Variants in PLCG2 observed in about 807,000 individuals in gnomAD.
PLCG2 encodes the protein phospholipase C gamma 2.
PLCG2 carries 69 observed loss-of-function variants against 175.6 expected under a neutral mutation model. The ratio of observed to expected loss-of-function variants is 0.39; its 90% CI spans 0.32 to 0.48. PLCG2 has a LOEUF of 0.48. Ranked by LOEUF, PLCG2 falls within the 20% of genes least tolerant of loss-of-function variation. PLCG2 has a pLI of 0.91. For synonymous variants in PLCG2, 827 were observed against 624.0 expected (o/e 1.33, Z -4.85); for missense variants, 1,798 against 1,650.9 (o/e 1.09, Z -1.54).
At position 81,795,240 on chromosome 16, in the gene PLCG2, G is replaced by A. The variant is rs1274842354; in HGVS notation, c.193+9058G>A. ...ATCGTGATAGACGCTAGGAAGGAAA[G>A]GAACAGGGTACTGTAATAAGGAGTC... On this transcript the variant is annotated intron_variant, in intron 2 of 32. Transcript: ENST00000564138. Among the ~76,000 whole-genome samples, 3 of 152,148 alleles carry A rather than the reference G, an allele frequency of 2.0e-5. No homozygotes were observed. The East Asian group carries it at 5.8e-4, about 29-fold the overall frequency.
chr16:81,925,657 G>T (rs1446026051), intron 22 of PLCG2, among the ~76,000 whole-genome samples: 1 of 152,196 alleles, frequency 6.6e-6, no homozygotes, highest in East Asian at 1.9e-4. Flanking sequence ...GGAGGCCGAG[G>T]CGGGTGGCTC....
chr16:81,855,123 TTGC>T (rs1486871649), intron 3 of PLCG2, among the ~76,000 whole-genome samples: 1 of 151,430 alleles, frequency 6.6e-6, no homozygotes, highest in Non-Finnish European at 1.5e-5. Flanking sequence ...GGCACAAGAA[TTGC>T]TTGAACCAGT....
intron 7 of PLCG2, among the ~76,000 whole-genome samples, chr16:81,874,977 T>TA (rs1491456748): frequency 7.3e-6 from 1 of 136,830 alleles, no homozygotes; most frequent in Non-Finnish European, 1.6e-5. Flanking sequence ...TTTTTTTTTT[T>TA]ATTTGAGACA....
intron 2 of PLCG2, among the ~76,000 whole-genome samples, chr16:81,805,058 GAAC>G (rs535563001): frequency 3.0e-4 from 45 of 152,240 alleles, no homozygotes; most frequent in Non-Finnish European, 6.0e-4. Flanking sequence ...GTTTTCAGAG[GAAC>G]AACATCAGAC....
intron 31 of PLCG2, among the ~76,000 whole-genome samples, chr16:81,950,544 C>G (rs1288870957): frequency 6.6e-6 from 1 of 152,128 alleles, no homozygotes; most frequent in Non-Finnish European, 1.5e-5. Context: ...AAATATACAA[C>G]TTTGTGTCCT....
In PLCG2 at chr16:81,813,137, G is replaced by A. The variant is rs147246644; in HGVS notation, c.193+26955G>A. ...GCCTGCAGCTTGTTCTTTCTGCTTA[G>A]GGTTGTCTTGGTTATGTGGTCTCTT... On this transcript the variant is annotated intron_variant, in intron 2 of 32. Coordinates refer to ENST00000564138, the MANE Select transcript of PLCG2 (RefSeq NM_002661.5). Among the ~76,000 whole-genome samples the A allele has an allele frequency of 1.5e-4, 23 of 152,280 alleles. No homozygotes were observed. The East Asian group carries it at 3.7e-3, about 24-fold the overall frequency.
exon 1 of PLCG2, chr16:81,739,337 G>C (rs892838900): frequency 2.6e-5 from 4 of 151,996 alleles, no homozygotes; most frequent in Non-Finnish European, 1.5e-5. Context: ...CAACAGTGGC[G>C]GGTCTGCAGT....
intron 14 of PLCG2, among the ~76,000 whole-genome samples, chr16:81,904,259 C>T (rs1909270288): frequency 6.6e-6 from 1 of 152,166 alleles, no homozygotes; most frequent in Non-Finnish European, 1.5e-5. Context: ...CTGCCACGTC[C>T]CGATTTTACG....
chr16:81,757,002 TAGGAAGTGTA>T (rs1436524161), intron 2 of PLCG2, among the ~76,000 whole-genome samples: 2 of 152,204 alleles, frequency 1.3e-5, no homozygotes, highest in Non-Finnish European at 2.9e-5. Context: ...GGAAATGTGG[TAGGAAGTGTA>T]GTGACTCTGT....
intron 30 of PLCG2, among the ~76,000 whole-genome samples, chr16:81,945,046 A>G (rs956272524): frequency 7.9e-5 from 12 of 152,230 alleles, no homozygotes; most frequent in Non-Finnish European, 1.5e-5. Flanking sequence ...TACCATGTCC[A>G]TACAGAAATG....
chr16:81,884,619 G>A (rs1908263989), intron 9 of PLCG2, among the ~76,000 whole-genome samples: 1 of 149,250 alleles, frequency 6.7e-6, no homozygotes. Flanking sequence ...GTGTGTGTGT[G>A]TACATGTATG....
chr16:81,868,211 A>C (rs1175324416), intron 5 of PLCG2, among the ~76,000 whole-genome samples: 1 of 152,182 alleles, frequency 6.6e-6, no homozygotes, highest in African/African-American at 2.4e-5. Context: ...AGAAGGTAGA[A>C]TCTGGTGAAC....
At position 81,748,793 on chromosome 16, in the gene PLCG2, A is replaced by G. The variant is rs947525292; in HGVS notation, c.-144-7077A>G. Among the ~76,000 whole-genome samples the G allele has an allele frequency of 5.3e-5, 8 of 152,230 alleles. No homozygotes were observed. In the South Asian group the frequency reaches 1.0e-3, roughly 20 times the overall value. ...CAGTGACTTTCATATCTGTTTCCACATCTTATCCTCATTACAACCCTGTGA... is the reference window on the plus strand; with the variant it reads ...CAGTGACTTTCATATCTGTTTCCACGTCTTATCCTCATTACAACCCTGTGA... On this transcript the variant is annotated intron_variant, in intron 1 of 5. Coordinates refer to the PLCG2 transcript ENST00000565054.
intron 18 of PLCG2, among the ~76,000 whole-genome samples, chr16:81,910,955 TCTTCATAGCCCCGAGA>T (rs1446884597): frequency 6.6e-6 from 1 of 152,238 alleles, no homozygotes; most frequent in Non-Finnish European, 1.5e-5. Context: ...TTCTACTTTG[TCTTCATAGCCCCGAGA>T]CTTTGGGCTT....
chr16:81,864,379 A>G (rs888461170), intron 5 of PLCG2, among the ~76,000 whole-genome samples: 1 of 152,344 alleles, frequency 6.6e-6, no homozygotes, highest in East Asian at 1.9e-4. Flanking sequence ...CAGTGGAACT[A>G]GCTGCATTTC....
At chr16:81,869,986 A>G (rs1433837866) in intron 6 of PLCG2, among the ~76,000 whole-genome samples, 2 of 152,228 alleles carry the variant, frequency 1.3e-5, no homozygotes, top group African/African-American at 4.8e-5. Flanking sequence ...TTTCAATATC[A>G]GCTCCATTAC....
chr16:81,786,330 G>A, intron 2 of PLCG2, 148 bp downstream of exon 2: 1 of 706,440 alleles, frequency 1.4e-6, no homozygotes, highest in Non-Finnish European at 2.3e-6. Flanking sequence ...TTGCCAGTTT[G>A]TGTGGATCTC....
At chr16:81,857,366 G>C (rs997881211) in intron 3 of PLCG2, among the ~76,000 whole-genome samples, 3 of 152,122 alleles carry the variant, frequency 2.0e-5, no homozygotes, top group African/African-American at 7.2e-5. Flanking sequence ...GTGCTGCCAG[G>C]GTAAGATAAT....
intron 1 of PLCG2, among the ~76,000 whole-genome samples, chr16:81,780,084 C>G (rs779385327): frequency 8.5e-5 from 13 of 152,132 alleles, no homozygotes; most frequent in Non-Finnish European, 1.2e-4. Context: ...CTCCTGGATT[C>G]CAGCAGGACG....
Sources: gnomAD v4.1 joint callset for allele counts (sites outside exome capture counted in the v4.1 genomes callset) on GRCh38, gnomAD v4.1.1 for gene constraint, MANE v1.5 for transcripts, NCBI Gene and HGNC (gene_info 2026-07-23, HGNC 2026-07-21) for gene names.